Variants in LRRC37A2 observed in about 807,000 individuals in gnomAD.
LRRC37A2 encodes leucine rich repeat containing 37 member A2, also known as leucine-rich repeat-containing protein 37A2.
In LRRC37A2, 9 loss-of-function variants were observed where a neutral mutation model predicts 68.8. That is an observed-to-expected ratio of 0.13 (90% CI 0.08 to 0.23). The LOEUF is 0.23. Among genes scored for constraint, LRRC37A2 ranks in the 10% least tolerant of loss-of-function variants. The pLI is 1.00. For missense variants in LRRC37A2, 168 were observed against 950.4 expected (o/e 0.18, Z 10.82); for synonymous variants, 63 against 367.6 (o/e 0.17, Z 9.48).
the LRRC37A2 span, chr17:46,966,856 G>GAA: frequency 2.4e-6 from 1 of 410,602 alleles, no homozygotes; most frequent in Non-Finnish European, 4.3e-6. Flanking sequence ...GGCATGTGAA[G>GAA]AGCCCTCTCT....
At chr17:46,819,689 G>GT in the LRRC37A2 span, among the ~76,000 whole-genome samples, 1 of 152,218 alleles carries the variant, frequency 6.6e-6, no homozygotes, top group Non-Finnish European at 1.5e-5. This position sits in a 1 kb window ranked among gnomAD's most constrained non-coding sequence, Gnocchi z 5.3. Context: ...CCAGCCTGGG[G>GT]TTTGGCGATA....
chr17:46,769,107 A>C, the LRRC37A2 span, among the ~76,000 whole-genome samples: 1 of 152,206 alleles, frequency 6.6e-6, no homozygotes, highest in African/African-American at 2.4e-5. Context: ...ACCTGAAGTC[A>C]GGAGTTTGAG....
At chr17:46,907,460 T>C in the LRRC37A2 span, among the ~76,000 whole-genome samples, 1,707 of 151,432 alleles carry the variant, frequency 0.011, 40 homozygotes, top group African/African-American at 0.039. Flanking sequence ...GGTCCTCTGC[T>C]CTTACCTGAG....
At chr17:46,991,234 A>G in the LRRC37A2 span, among the ~76,000 whole-genome samples, 6 of 152,186 alleles carry the variant, frequency 3.9e-5, no homozygotes, top group Admixed American at 3.9e-4. Flanking sequence ...TAAATACTGC[A>G]TATTTGAATT....
At chr17:47,008,463 A>C in the LRRC37A2 span, among the ~76,000 whole-genome samples, 1 of 134,278 alleles carries the variant, frequency 7.4e-6, no homozygotes, top group Non-Finnish European at 1.6e-5. Flanking sequence ...ATAGATACTT[A>C]TTTTTTTTTT....
chr17:46,935,113 A>T, the LRRC37A2 span: 1 of 1,614,000 alleles, frequency 6.2e-7, no homozygotes, highest in Non-Finnish European at 8.5e-7. Context: ...GGATGACCTC[A>T]TTTTAGATGG....
chr17:47,004,425 C>T, the LRRC37A2 span, among the ~76,000 whole-genome samples: 2 of 152,262 alleles, frequency 1.3e-5, no homozygotes, highest in Non-Finnish European at 2.9e-5. Context: ...GACATATGCT[C>T]CTTCCTTGCC....
chr17:46,994,465 G>A, the LRRC37A2 span, among the ~76,000 whole-genome samples: 1 of 152,036 alleles, frequency 6.6e-6, no homozygotes, highest in African/African-American at 2.4e-5. Context: ...AAAGGAATGG[G>A]GGAGGCTTCT....
At chr17:46,547,184 A>G (rs1261710557) in intron 9 of LRRC37A2, 1 of 57,766 alleles carries the variant, frequency 1.7e-5, no homozygotes, top group Non-Finnish European at 3.6e-5. Flanking sequence ...TTTTTTACCA[A>G]TTATGTTATT....
At chr17:46,863,659 A>C in the LRRC37A2 span, among the ~76,000 whole-genome samples, 1 of 152,114 alleles carries the variant, frequency 6.6e-6, no homozygotes, top group African/African-American at 2.4e-5. Flanking sequence ...ATGGCTATAA[A>C]AGGTTCCAGG....
chr17:46,745,490 A>G, the LRRC37A2 span, among the ~76,000 whole-genome samples: 8 of 152,184 alleles, frequency 5.3e-5, no homozygotes, highest in Non-Finnish European at 1.2e-4. Context: ...ATCTTTCAAC[A>G]CTTTGAAGAG....
the LRRC37A2 span, among the ~76,000 whole-genome samples, chr17:46,788,828 A>C: frequency 6.6e-6 from 1 of 152,084 alleles, no homozygotes; most frequent in Non-Finnish European, 1.5e-5. Flanking sequence ...CGTCTCTCCC[A>C]GATCCCACAG....
chr17:46,853,362 A>ATTTT, the LRRC37A2 span, among the ~76,000 whole-genome samples: 3 of 84,450 alleles, frequency 3.6e-5, no homozygotes, highest in East Asian at 8.4e-4. Flanking sequence ...AATGCTAGTG[A>ATTTT]CTTTTTTTTT....
chr17:46,799,228 C>A, the LRRC37A2 span, among the ~76,000 whole-genome samples: 1 of 152,064 alleles, frequency 6.6e-6, no homozygotes, highest in Non-Finnish European at 1.5e-5. Flanking sequence ...TGCCTCCCCA[C>A]CCGCTTCTTT....
At chr17:46,972,012 G>A in the LRRC37A2 span, among the ~76,000 whole-genome samples, 26 of 152,292 alleles carry the variant, frequency 1.7e-4, no homozygotes, top group Admixed American at 3.9e-4. Flanking sequence ...CACAGGGCAC[G>A]TGGGGGAGAG....
chr17:46,900,222 T>C, the LRRC37A2 span, among the ~76,000 whole-genome samples: 35,606 of 122,554 alleles, frequency 0.29, 5,890 homozygotes, highest in Non-Finnish European at 0.37. Flanking sequence ...CACACACACA[T>C]ATATATATAT....
At chr17:46,526,383 AAAAC>A (rs1416000189) in intron 6 of LRRC37A2, among the ~76,000 whole-genome samples, 20 of 100,568 alleles carry the variant, frequency 2.0e-4, no homozygotes, top group Non-Finnish European at 3.4e-4. Flanking sequence ...AAGTTTATAA[AAAAC>A]AAACAAAAAA....
the LRRC37A2 span, among the ~76,000 whole-genome samples, chr17:46,893,262 G>A: frequency 6.6e-6 from 1 of 152,208 alleles, no homozygotes; most frequent in African/African-American, 2.4e-5. Context: ...AGTACCTGGT[G>A]CTGAGGAGTA....
chr17:46,929,688 G>C, the LRRC37A2 span: 1 of 722,316 alleles, frequency 1.4e-6, no homozygotes, highest in Non-Finnish European at 2.6e-6. Context: ...ATGATTCAGC[G>C]TGGAATGAGT....
Sources: allele counts gnomAD v4.1 joint callset (sites outside exome capture counted in the v4.1 genomes callset), GRCh38; gene constraint gnomAD v4.1.1; non-coding constraint Gnocchi (gnomAD v3.1); transcripts MANE v1.5; gene names NCBI Gene and HGNC (gene_info 2026-07-23, HGNC 2026-07-21).